TRIM58: variants seen among roughly 807,000 people sequenced by gnomAD.
TRIM58 encodes tripartite motif containing 58, also known as E3 ubiquitin-protein ligase TRIM58.
A neutral mutation model predicts 34.1 loss-of-function variants in TRIM58; 38 were observed. The observed-to-expected ratio is 1.12, with a 90% confidence interval of 0.86 to 1.46. The LOEUF (loss-of-function observed/expected upper bound fraction) is 1.46. Among genes scored for constraint, TRIM58 ranks in the 40% most tolerant of loss-of-function variants. The pLI is 0.00. For missense variants in TRIM58, 677 were observed against 642.0 expected, an observed-to-expected ratio of 1.05 and a Z score of -0.59; for synonymous variants, 273 against 275.7, an observed-to-expected ratio of 0.99 and a Z score of 0.10.
intron 5 of TRIM58, among the ~76,000 whole-genome samples, chr1:247,874,446 C>T (rs1322793822): frequency 2.0e-5 from 3 of 152,176 alleles, no homozygotes; most frequent in Non-Finnish European, 2.9e-5. Flanking sequence ...CACTAGGCCC[C>T]ACCTTCAACA....
chr1:247,861,657 A>T (rs768009047), intron 2 of TRIM58, among the ~76,000 whole-genome samples: 11 of 151,984 alleles, frequency 7.2e-5, no homozygotes, highest in Non-Finnish European at 1.5e-4. Flanking sequence ...ATCACTCTAT[A>T]TATTTATAAT....
At chr1:247,861,313 G>A (rs1478163117) in intron 2 of TRIM58, among the ~76,000 whole-genome samples, 4 of 151,908 alleles carry the variant, frequency 2.6e-5, no homozygotes, top group Non-Finnish European at 5.9e-5. Flanking sequence ...AACCTGAGGC[G>A]ATACCTGCCC....
At chr1:247,875,653 T>C (rs970891930) in intron 5 of TRIM58, among the ~76,000 whole-genome samples, 2 of 152,076 alleles carry the variant, frequency 1.3e-5, no homozygotes, top group African/African-American at 4.8e-5. Flanking sequence ...TTGTTTTTTT[T>C]TGGGAAAGTT....
chr1:247,857,785 A>G, intron 1 of TRIM58, 119 bp downstream of exon 1: 1 of 1,172,616 alleles, frequency 8.5e-7, no homozygotes, highest in Non-Finnish European at 1.1e-6. Context: ...CGCTCCCCCC[A>G]CCGCGCGCCG....
rs1420585505 is a variant in TRIM58 at position 247,879,611 on chromosome 1, C to G, written c.*3122C>G. Among the ~76,000 whole-genome samples, 1 of 151,794 alleles carries G rather than the reference C, an allele frequency of 6.6e-6. No individual in the cohort carries two copies. Among genetic ancestry groups the G allele is most frequent in the East Asian group, 2.0e-4 (1 of 5,094 alleles). ...CCCCAGGCCCTAGAGGATCTGAACCCCCATCCCTCCTCTGATTATCTCTCC... is the reference window on the plus strand; with the variant it reads ...CCCCAGGCCCTAGAGGATCTGAACCGCCATCCCTCCTCTGATTATCTCTCC... On this transcript the variant is annotated 3_prime_UTR_variant, in exon 6 of 6. Transcript: ENST00000366481.
Position 247,868,045 on chromosome 1 carries a change from C to A in TRIM58, c.853C>A (p.Leu285Ile). 3.1e-6 allele frequency: 5 copies of A among 1,608,266 alleles called. No homozygotes were observed. Among genetic ancestry groups the A allele is most frequent in the Non-Finnish European group, 4.2e-6 (5 of 1,177,974 alleles). ...ATGCTGCATCCCTGGGAGGAGGGAG[C>A]TCTTAAGGAAGTTCCAAGGTAGTTG... ...TACCIPGRRE[L>I]LRKFQVDVKL... The change falls in exon 5 of 6, where the codon CTC (leucine) becomes ATC (isoleucine). Residue 285 changes from leucine (L) to isoleucine (I), a missense_variant. Coordinates refer to ENST00000366481, the MANE Select transcript of TRIM58 (RefSeq NM_015431.4).
intron 5 of TRIM58, among the ~76,000 whole-genome samples, chr1:247,875,657 G>A (rs1033896335): frequency 6.6e-6 from 1 of 151,564 alleles, no homozygotes; most frequent in African/African-American, 2.4e-5. Flanking sequence ...TTTTTTTTGG[G>A]AAAGTTAAAG....
chr1:247,871,065 G>A (rs113740233), intron 5 of TRIM58, among the ~76,000 whole-genome samples: 2 of 152,100 alleles, frequency 1.3e-5, no homozygotes, highest in African/African-American at 4.8e-5. Context: ...TCAGAGTCAC[G>A]GCCACCCATA....
chr1:247,864,887 G>A lies in TRIM58; in HGVS notation c.699G>A (p.Ala233=), dbSNP rs574947482. The stretch of plus-strand genomic sequence containing the variant: ...AGAGCAAGGCCCTGAAGGAGCTGGC[G>A]GATGAGCTGCAGGAGAGGTGCCAGC... ...VQQSKALKEL[A]DELQERCQRP... The change falls in exon 3 of 6, where the codon GCG becomes GCA. Residue 233 remains alanine (A), a synonymous_variant. Transcript: ENST00000366481. 26 of 1,606,320 alleles carry A rather than the reference G, an allele frequency of 1.6e-5. No individual in the cohort carries two copies. The East Asian group carries it at 2.2e-4, about 14-fold the overall frequency.
At chr1:247,870,284 T>C (rs1032367469) in intron 5 of TRIM58, among the ~76,000 whole-genome samples, 10 of 152,030 alleles carry the variant, frequency 6.6e-5, no homozygotes, top group Admixed American at 3.9e-4. Flanking sequence ...AAAATTAGGA[T>C]TGGTATATTC....
intron 3 of TRIM58, among the ~76,000 whole-genome samples, chr1:247,865,990 G>A (rs1460087342): frequency 2.6e-5 from 4 of 152,132 alleles, no homozygotes. Context: ...GACTGATTAT[G>A]AGGCAGGGGA....
chr1:247,878,613 C>T lies in TRIM58; in HGVS notation c.*2124C>T, dbSNP rs952724240. 1.3e-5 allele frequency among the ~76,000 whole-genome samples: 2 copies of T among 152,102 alleles called. No homozygotes were observed. The highest frequency in any genetic ancestry group is 2.9e-5 in the Non-Finnish European group (2 of 68,016). ...TCAGCTCAGCAACAGCATCCCTTCC[C>T]ACAGGGATCAGGTGGGTGGCTTGAG... On this transcript the variant is annotated 3_prime_UTR_variant, in exon 6 of 6. Transcript: ENST00000366481.
Position 247,864,654 on chromosome 1 carries a change from A to G in TRIM58, c.517-51A>G, listed in dbSNP as rs750933185. 9 of 1,586,098 alleles carry G rather than the reference A, an allele frequency of 5.7e-6. No individual in the cohort carries two copies. In the East Asian group the frequency reaches 1.1e-4, roughly 20 times the overall value. ...TACCTTCTCCAGCACTGTCCTGTAC[A>G]TGGCTGCTGGAGGCCAAGCACTGAC... is the stretch of plus-strand genomic sequence containing the variant. On this transcript the variant is annotated intron_variant, in intron 2 of 5. Transcript: ENST00000366481.
intron 2 of TRIM58, among the ~76,000 whole-genome samples, chr1:247,862,094 C>T (rs1663806213): frequency 6.6e-6 from 1 of 152,052 alleles, no homozygotes; most frequent in Non-Finnish European, 1.5e-5. Flanking sequence ...TGCCATTGCA[C>T]TCCAGCCTGG....
chr1:247,871,541 G>A (rs1659121006), intron 5 of TRIM58, among the ~76,000 whole-genome samples: 1 of 152,166 alleles, frequency 6.6e-6, no homozygotes, highest in Non-Finnish European at 1.5e-5. Flanking sequence ...GGGAAAGAGT[G>A]TAAAGTCCCT....
chr1:247,876,517 C>A lies in TRIM58; in HGVS notation c.*28C>A. The A allele has an allele frequency of 6.4e-7, 1 of 1,565,344 alleles. No individual in the cohort carries two copies. Among genetic ancestry groups the A allele is most frequent in the East Asian group, 2.2e-5 (1 of 44,552 alleles). Reference sequence around the variant, plus strand: ...TTCTGTTCCCAAGATGCAGTCCTAGCGTAGCGAACGTTCCTGGAGTGGGGT... The same window carrying A: ...TTCTGTTCCCAAGATGCAGTCCTAGAGTAGCGAACGTTCCTGGAGTGGGGT... On this transcript the variant is annotated 3_prime_UTR_variant, in exon 6 of 6. Coordinates refer to ENST00000366481, the MANE Select transcript of TRIM58 (RefSeq NM_015431.4).
intron 3 of TRIM58, among the ~76,000 whole-genome samples, chr1:247,866,520 C>T (rs1335711108): frequency 1.3e-5 from 2 of 152,190 alleles, no homozygotes; most frequent in Non-Finnish European, 2.9e-5. Context: ...CTCTGCCTGC[C>T]TTGGCCTCCC....
At chr1:247,870,094 G>A (rs905787538) in intron 5 of TRIM58, among the ~76,000 whole-genome samples, 1 of 152,130 alleles carries the variant, frequency 6.6e-6, no homozygotes, top group Non-Finnish European at 1.5e-5. Context: ...CCTGCAATAT[G>A]AGCTAAATTA....
At position 247,864,941 on chromosome 1, in the gene TRIM58, G is replaced by A; in HGVS notation, c.747+6G>A. On this transcript the variant is annotated splice_donor_region_variant and intron_variant, in intron 3 of 5. Coordinates refer to ENST00000366481, the MANE Select transcript of TRIM58 (RefSeq NM_015431.4). ...CGGCCCTGGGTCTGCTGGAGGTGAG[G>A]CCGGGTGCCAGAAAAGCAGGCAGAT... 6.4e-7 allele frequency: 1 copy of A among 1,557,386 alleles called. No individual in the cohort carries two copies. The highest frequency in any genetic ancestry group is 8.7e-7 in the Non-Finnish European group (1 of 1,150,322).
Sources: allele counts gnomAD v4.1 joint callset (sites outside exome capture counted in the v4.1 genomes callset), GRCh38; gene constraint gnomAD v4.1.1; transcripts MANE v1.5; gene names NCBI Gene and HGNC (gene_info 2026-07-23, HGNC 2026-07-21).